The following EML5 variants were observed in gnomAD, a reference collection of about 807,000 sequenced individuals.
EML5 encodes EMAP like 5, also known as echinoderm microtubule-associated protein-like 5.
EML5 carries 120 observed loss-of-function variants against 250.0 expected under a neutral mutation model. The observed-to-expected ratio is 0.48, with a 90% CI of 0.41 to 0.56. The LOEUF is 0.56. Ranked by LOEUF, EML5 falls within the 20% of genes least tolerant of loss-of-function variation. EML5 has a pLI of 0.00. For missense variants in EML5, 2,006 were observed against 2,437.6 expected (o/e 0.82, Z 3.73); for synonymous variants, 771 against 806.5 (o/e 0.96, Z 0.75).
At chr14:88,737,648 T>C (rs2093864440) in intron 6 of EML5, among the ~76,000 whole-genome samples, 1 of 152,232 alleles carries the variant, frequency 6.6e-6, no homozygotes, top group African/African-American at 2.4e-5. Context: ...ACAGAAGAAA[T>C]ATGTAAGTCC....
intron 1 of EML5, among the ~76,000 whole-genome samples, chr14:88,762,326 C>T (rs1236262864): frequency 6.6e-6 from 1 of 152,070 alleles, no homozygotes; most frequent in Non-Finnish European, 1.5e-5. Context: ...GCCTGACCAA[C>T]ACAGAGAAAC....
chr14:88,788,002 T>C (rs1055226156), intron 1 of EML5, among the ~76,000 whole-genome samples: 1 of 152,206 alleles, frequency 6.6e-6, no homozygotes, highest in Non-Finnish European at 1.5e-5. Flanking sequence ...TAGAAGATTC[T>C]GACTTTGTGC....
At chr14:88,768,564 C>A (rs2094350251) in intron 1 of EML5, among the ~76,000 whole-genome samples, 1 of 152,062 alleles carries the variant, frequency 6.6e-6, no homozygotes, top group African/African-American at 2.4e-5. Flanking sequence ...GTGCCCGCCT[C>A]CACACCTGGC....
chr14:88,738,442 T>C (rs2093878870), intron 6 of EML5, among the ~76,000 whole-genome samples: 1 of 151,466 alleles, frequency 6.6e-6, no homozygotes, highest in Non-Finnish European at 1.5e-5. Context: ...CCCCAATTGC[T>C]GACAAATTTG....
chr14:88,771,707 C>A (rs2094395038), intron 1 of EML5, among the ~76,000 whole-genome samples: 3 of 152,166 alleles, frequency 2.0e-5, no homozygotes, highest in Admixed American at 2.0e-4. Flanking sequence ...CATTGCCAAA[C>A]CTAATGATAA....
intron 2 of EML5, among the ~76,000 whole-genome samples, chr14:88,747,231 T>C (rs982225555): frequency 6.6e-6 from 1 of 151,836 alleles, no homozygotes; most frequent in Non-Finnish European, 1.5e-5. Flanking sequence ...GGGCAACACG[T>C]TGAAACCCCG....
chr14:88,715,217 GACT>G lies in EML5; in HGVS notation c.1188-25_1188-23del, dbSNP rs781747691. On this transcript the variant is annotated intron_variant, in intron 8 of 43. Coordinates refer to ENST00000554922, the MANE Select transcript of EML5 (RefSeq NM_183387.3). The stretch of plus-strand genomic sequence containing the variant: ...ATCTCTGTTAAAAAGAAAAAAATGA[GACT>G]ACATGAACAGAAGTCACAACAGAAT... 1.7e-3 allele frequency: 2,660 copies of G among 1,555,074 alleles called. 4 individuals are homozygous for G. Among genetic ancestry groups the G allele is most frequent in the Non-Finnish European group, 2.1e-3 (2,466 of 1,151,298 alleles).
chr14:88,685,901 TG>T (rs2092821658), intron 19 of EML5, among the ~76,000 whole-genome samples: 1 of 152,234 alleles, frequency 6.6e-6, no homozygotes, highest in African/African-American at 2.4e-5. Flanking sequence ...TATTTGCAGT[TG>T]GTTGAATCTG....
intron 7 of EML5, among the ~76,000 whole-genome samples, chr14:88,730,801 A>G (rs1297022273): frequency 6.6e-6 from 1 of 152,258 alleles, no homozygotes; most frequent in Non-Finnish European, 1.5e-5. Flanking sequence ...AAGATGAATT[A>G]TAACTAACTG....
At chr14:88,756,457 C>G (rs1243182478) in intron 1 of EML5, among the ~76,000 whole-genome samples, 1 of 152,110 alleles carries the variant, frequency 6.6e-6, no homozygotes, top group Non-Finnish European at 1.5e-5. Flanking sequence ...ACAAGGATGT[C>G]AGTTCTTGTC....
rs2090895203 is a variant in EML5 at position 88,638,908 on chromosome 14, C to G, written c.4238-1G>C. 1.9e-6 allele frequency: 3 copies of G among 1,559,768 alleles called. No homozygotes were observed. The highest frequency in any genetic ancestry group is 8.7e-7 in the Non-Finnish European group (1 of 1,155,034). On this transcript the variant is annotated splice_acceptor_variant, in intron 31 of 43. Coordinates refer to ENST00000554922, the MANE Select transcript of EML5 (RefSeq NM_183387.3). LOFTEE classifies it high-confidence loss of function. ...TGTTCCTGATAAAAACTCTGAGAAC[C>G]TACAAAAAAGAATTTGAGAATTAAG...
intron 7 of EML5, among the ~76,000 whole-genome samples, chr14:88,736,057 G>A (rs1274076317): frequency 6.9e-6 from 1 of 145,476 alleles, no homozygotes; most frequent in Non-Finnish European, 1.5e-5. Flanking sequence ...CTGGAATGCA[G>A]TGCCATGATC....
intron 1 of EML5, among the ~76,000 whole-genome samples, chr14:88,790,290 ATACAT>A (rs1384787083): frequency 2.6e-5 from 4 of 152,240 alleles, no homozygotes; most frequent in South Asian, 2.1e-4. Flanking sequence ...TTTCATTGTT[ATACAT>A]TAAAGATGTG....
chr14:88,792,492 C>A lies in EML5; in HGVS notation c.12G>T (p.Arg4=). Residue 4 remains arginine (R), a synonymous_variant, in exon 1 of 44, where the codon CGG becomes CGT. Coordinates refer to ENST00000554922, the MANE Select transcript of EML5 (RefSeq NM_183387.3). This position sits in a 1 kb window ranked among gnomAD's most constrained non-coding sequence, Gnocchi z 6.9. Reference sequence around the variant, plus strand: ...GCCGCAGGTGGCAGCTCGGGGCGCTCCGGGCCGCCATGTCGGGGCGCCCAC... The same window carrying A: ...GCCGCAGGTGGCAGCTCGGGGCGCTACGGGCCGCCATGTCGGGGCGCCCAC... The part of the protein sequence containing the change: MAA[R]SAPSCHLRLE... 7.0e-7 allele frequency: 1 copy of A among 1,437,158 alleles called. No individual in the cohort carries two copies. The highest frequency in any genetic ancestry group is 9.2e-7 in the Non-Finnish European group (1 of 1,086,520). 89.0% of individuals were successfully genotyped at this position (1,437,158 alleles called of 1,614,324 possible).
At chr14:88,623,017 CTT>C (rs33958046) in intron 36 of EML5, 127 of 150,440 alleles carry the variant, frequency 8.4e-4, no homozygotes, top group Non-Finnish European at 1.2e-3. Flanking sequence ...TCTCATAATA[CTT>C]TTTTTTTTTT....
chr14:88,640,249 T>C (rs2090985330), intron 31 of EML5, among the ~76,000 whole-genome samples: 1 of 152,148 alleles, frequency 6.6e-6, no homozygotes, highest in Non-Finnish European at 1.5e-5. Flanking sequence ...CCATAGAATA[T>C]ACATTCTTCT....
chr14:88,753,996 G>A (rs114289261), intron 2 of EML5, among the ~76,000 whole-genome samples: 2,830 of 152,014 alleles, frequency 0.019, 97 homozygotes, highest in African/African-American at 0.065. Flanking sequence ...AATTAGCCAG[G>A]CATGATGGTA....
intron 4 of EML5, among the ~76,000 whole-genome samples, chr14:88,742,245 T>C (rs2093935204): frequency 1.3e-5 from 2 of 152,056 alleles, no homozygotes; most frequent in Admixed American, 1.3e-4. Flanking sequence ...TCAGTGATGA[T>C]GAAAATATTA....
intron 5 of EML5, 71 bp downstream of exon 5, chr14:88,740,316 C>T (rs995519332): frequency 6.4e-5 from 82 of 1,287,840 alleles, no homozygotes; most frequent in Middle Eastern, 2.0e-4. Context: ...TACTATATTA[C>T]GCAGTCTATC....
Sources: allele counts gnomAD v4.1 joint callset (sites outside exome capture counted in the v4.1 genomes callset), GRCh38; gene constraint gnomAD v4.1.1; non-coding constraint Gnocchi (gnomAD v3.1); transcripts MANE v1.5; gene names NCBI Gene and HGNC (gene_info 2026-07-23, HGNC 2026-07-21).